ANO2: variants seen among roughly 807,000 people sequenced by gnomAD.
ANO2 encodes anoctamin 2, also known as anoctamin-2.
A neutral mutation model predicts 124.2 loss-of-function variants in ANO2; 101 were observed. The observed-to-expected ratio is 0.81, with a 90% CI of 0.69 to 0.96. ANO2 has a LOEUF of 0.96. Ranked by LOEUF, ANO2 falls within the 40% of genes least tolerant of loss-of-function variation. The pLI, the probability that ANO2 is intolerant of heterozygous loss-of-function variation, is 0.00. For synonymous variants in ANO2, 486 were observed against 482.5 expected (o/e 1.01, Z -0.09); for missense variants, 1,293 against 1,274.5 (o/e 1.01, Z -0.22).
chr12:5,748,446 T>C (rs947179972), intron 11 of ANO2, among the ~76,000 whole-genome samples: 1 of 152,140 alleles, frequency 6.6e-6, no homozygotes, highest in Non-Finnish European at 1.5e-5. Flanking sequence ...ATATGAGCCC[T>C]CCGGAAAACT....
At chr12:5,750,172 C>A (rs918430030) in intron 11 of ANO2, among the ~76,000 whole-genome samples, 4 of 151,930 alleles carry the variant, frequency 2.6e-5, no homozygotes, top group African/African-American at 7.3e-5. Flanking sequence ...TGGGCTCCAA[C>A]AATACTCCCT....
chr12:5,565,732 A>G, intron 23 of ANO2, 69 bp from the exon 24 acceptor site: 2 of 1,300,336 alleles, frequency 1.5e-6, no homozygotes, highest in Non-Finnish European at 1.1e-6. Context: ...TCTCTGGGTG[A>G]AACCTCGAGG....
At chr12:5,889,933 AG>A (rs1405808248) in intron 3 of ANO2, among the ~76,000 whole-genome samples, 1 of 152,260 alleles carries the variant, frequency 6.6e-6, no homozygotes, top group Admixed American at 6.5e-5. Context: ...AAGTCCAGAA[AG>A]GAAAGACAAT....
At chr12:5,736,611 T>C (rs1388651829) in intron 13 of ANO2, among the ~76,000 whole-genome samples, 1 of 152,222 alleles carries the variant, frequency 6.6e-6, no homozygotes, top group Non-Finnish European at 1.5e-5. Context: ...GGTTAAATGC[T>C]TCATATAAGT....
At chr12:5,841,185 A>C (rs1239543211) in intron 4 of ANO2, among the ~76,000 whole-genome samples, 1 of 152,194 alleles carries the variant, frequency 6.6e-6, no homozygotes, top group African/African-American at 2.4e-5. Context: ...TCACGCATGC[A>C]AGAGAGCATT....
At chr12:5,877,022 TTAAAG>T (rs1261414971) in intron 3 of ANO2, among the ~76,000 whole-genome samples, 1 of 152,160 alleles carries the variant, frequency 6.6e-6, no homozygotes, top group African/African-American at 2.4e-5. Context: ...AATTCCCACT[TTAAAG>T]TAAAGAGCAA....
chr12:5,937,874 T>C (rs73259022), intron 1 of ANO2, among the ~76,000 whole-genome samples: 14,814 of 152,196 alleles, frequency 0.097, 1,154 homozygotes, highest in African/African-American at 0.21. Context: ...TTCTCTACCG[T>C]GTGCTTCTTA....
chr12:5,744,634 A>G (rs1301848930), intron 11 of ANO2, among the ~76,000 whole-genome samples: 1 of 152,196 alleles, frequency 6.6e-6, no homozygotes, highest in African/African-American at 2.4e-5. Flanking sequence ...TCTGGGGTCC[A>G]TGAGGTTGGT....
chr12:5,596,467 G>T (rs1943665345), intron 20 of ANO2, among the ~76,000 whole-genome samples: 2 of 152,086 alleles, frequency 1.3e-5, no homozygotes, highest in Admixed American at 6.5e-5. Context: ...TGGGAGACAG[G>T]TTCTCTTCTG....
At chr12:5,756,935 T>C (rs904355787) in intron 10 of ANO2, among the ~76,000 whole-genome samples, 5 of 152,226 alleles carry the variant, frequency 3.3e-5, no homozygotes, top group Non-Finnish European at 7.3e-5. Context: ...CAGCTTCCTG[T>C]AGGGTCTGTA....
intron 10 of ANO2, among the ~76,000 whole-genome samples, chr12:5,766,167 A>G (rs1433461545): frequency 6.6e-6 from 1 of 152,218 alleles, no homozygotes; most frequent in African/African-American, 2.4e-5. Flanking sequence ...AGCTGAGCAT[A>G]GGTATCCGGT....
upstream of ANO2, chr12:5,945,354 A>C: frequency 1.9e-4 from 158 of 843,264 alleles, no homozygotes; most frequent in Non-Finnish European, 2.1e-4. Context: ...CTCCTCCCCC[A>C]TCCCTCCCGG....
rs115164921 is a variant in ANO2, at chr12:5,722,200, T to C, written c.1545+10320A>G. Among the ~76,000 whole-genome samples the C allele has an allele frequency of 4.0e-3, 610 of 152,110 alleles. 8 individuals are homozygous for C. The highest frequency in any genetic ancestry group is 0.014 in the African/African-American group (586 of 41,490). Reference sequence around the variant, plus strand: ...CAGAAAAGTCAGCTTCACTAAAACATGATGACATTAAAAAACAAAGTACTG... The same window carrying C: ...CAGAAAAGTCAGCTTCACTAAAACACGATGACATTAAAAAACAAAGTACTG... On this transcript the variant is annotated intron_variant, in intron 14 of 24. Transcript: ENST00000682330.
intron 4 of ANO2, chr12:5,851,836 G>C: frequency 1.5e-6 from 1 of 689,280 alleles, no homozygotes; most frequent in Non-Finnish European, 2.6e-6. Context: ...GGAAAGCAAA[G>C]AGGGAAAATA....
At chr12:5,647,660 C>T in intron 15 of ANO2, 67 bp downstream of exon 15, 1 of 1,208,786 alleles carries the variant, frequency 8.3e-7, no homozygotes, top group Admixed American at 1.9e-5. Context: ...ATATAATACC[C>T]ACAGTAGTCA....
intron 10 of ANO2, among the ~76,000 whole-genome samples, chr12:5,786,044 G>A (rs924661581): frequency 6.6e-6 from 1 of 151,100 alleles, no homozygotes; most frequent in Non-Finnish European, 1.5e-5. Context: ...GAGGCTGGGG[G>A]TGAGAGAAAT....
At chr12:5,899,192 AC>A (rs1338141459) in intron 3 of ANO2, among the ~76,000 whole-genome samples, 1 of 152,172 alleles carries the variant, frequency 6.6e-6, no homozygotes, top group African/African-American at 2.4e-5. Flanking sequence ...AGCTTAGAGG[AC>A]TGGCAAACAT....
intron 10 of ANO2, among the ~76,000 whole-genome samples, chr12:5,768,474 T>G (rs1951967030): frequency 6.6e-6 from 1 of 152,222 alleles, no homozygotes; most frequent in South Asian, 2.1e-4. Context: ...TTCAAAATTT[T>G]TGTGAGCAGA....
chr12:5,799,167 C>T (rs1422463149), intron 10 of ANO2, among the ~76,000 whole-genome samples: 2 of 152,250 alleles, frequency 1.3e-5, no homozygotes, highest in African/African-American at 2.4e-5. Flanking sequence ...CAATCAGCTT[C>T]ATCCAGGTTC....
Sources: allele counts gnomAD v4.1 joint callset (sites outside exome capture counted in the v4.1 genomes callset), GRCh38; gene constraint gnomAD v4.1.1; transcripts MANE v1.5; gene names NCBI Gene and HGNC (gene_info 2026-07-23, HGNC 2026-07-21).